VWF: variants seen among roughly 807,000 people sequenced by gnomAD.
VWF encodes von Willebrand factor.
A neutral mutation model predicts 308.6 loss-of-function variants in VWF; 176 were observed. The ratio of observed to expected loss-of-function variants is 0.57; its 90% CI spans 0.50 to 0.65. The LOEUF (loss-of-function observed/expected upper bound fraction) is 0.65. VWF is among the 30% of genes least tolerant of loss of function. VWF has a pLI of 0.00. For synonymous variants in VWF, 1,385 were observed against 1,443.4 expected (o/e 0.96, Z 0.92); for missense variants, 3,146 against 3,648.2 (o/e 0.86, Z 3.55).
chr12:6,012,923 G>C (rs987904829), intron 32 of VWF, among the ~76,000 whole-genome samples: 2 of 151,888 alleles, frequency 1.3e-5, no homozygotes, highest in Non-Finnish European at 2.9e-5. Flanking sequence ...AGATGGTCTC[G>C]ATCTCCTGAC....
At position 6,057,036 on chromosome 12, in the gene VWF, GA is replaced by G; in HGVS notation, c.1765del (p.Ser589ProfsTer62). On this transcript the variant is annotated frameshift_variant, in exon 15 of 52. Coordinates refer to ENST00000261405, the MANE Select transcript of VWF (RefSeq NM_000552.5). LOFTEE classifies it high-confidence loss of function. ...FSEEACAVLT[S>X]PTFEACHRAV... is the part of the protein sequence containing the mutation. ...ACGATGGCAGGCCTCGAATGTGGGG[GA>G]CGTCAGGACCGCGCACGCCTCCTCG... 4 of 1,547,950 alleles carry G rather than the reference GA, an allele frequency of 2.6e-6. No individual in the cohort carries two copies. The highest frequency in any genetic ancestry group is 2.6e-6 in the Non-Finnish European group (3 of 1,152,600).
At chr12:5,992,471 T>A (rs1287875849) in intron 37 of VWF, among the ~76,000 whole-genome samples, 1 of 152,192 alleles carries the variant, frequency 6.6e-6, no homozygotes, top group Non-Finnish European at 1.5e-5. Context: ...AGAATCCAGT[T>A]TGAGGCCCAG....
chr12:5,983,113 A>G (rs1280967256), intron 41 of VWF, 37 bp downstream of exon 41: 2 of 1,595,240 alleles, frequency 1.3e-6, no homozygotes, highest in East Asian at 4.5e-5. Flanking sequence ...CAGCAGAGAG[A>G]GGCCACACCA....
At chr12:5,976,286 A>T (rs944910966) in intron 42 of VWF, 26 bp from the exon 43 acceptor site, 13 of 1,614,018 alleles carry the variant, frequency 8.1e-6, no homozygotes, top group African/African-American at 1.3e-5. Flanking sequence ...TTCGTGAGTG[A>T]ACTCATTTGT....
chr12:6,059,999 T>C (rs1944635390), intron 13 of VWF, among the ~76,000 whole-genome samples: 1 of 151,688 alleles, frequency 6.6e-6, no homozygotes, highest in African/African-American at 2.4e-5. Flanking sequence ...GGCGTTTTCA[T>C]TCACCCCCAC....
At chr12:5,958,118 A>G (rs1943270495) in intron 47 of VWF, among the ~76,000 whole-genome samples, 1 of 152,166 alleles carries the variant, frequency 6.6e-6, no homozygotes, top group South Asian at 2.1e-4. Context: ...AAAAGAAAAA[A>G]AAGAAAAACT....
chr12:6,022,463 TACA>T (rs1440023253), intron 26 of VWF, among the ~76,000 whole-genome samples: 3 of 151,706 alleles, frequency 2.0e-5, no homozygotes, highest in Non-Finnish European at 4.4e-5. Context: ...TTACATTCAA[TACA>T]ACATTCCCCC....
chr12:5,964,246 A>ACATACATG (rs1315704709), intron 47 of VWF, among the ~76,000 whole-genome samples: 4 of 133,244 alleles, frequency 3.0e-5, no homozygotes, highest in African/African-American at 9.9e-5. Flanking sequence ...ATACATACAT[A>ACATACATG]CATGCATACA....
intron 6 of VWF, among the ~76,000 whole-genome samples, chr12:6,080,230 T>C (rs116856265): frequency 0.021 from 3,183 of 152,326 alleles, 71 homozygotes; most frequent in Non-Finnish European, 0.028. Context: ...ACAGGAGCTG[T>C]ATTCCCAGGG....
chr12:6,107,895 T>G (rs577880443), intron 5 of VWF, among the ~76,000 whole-genome samples: 1 of 152,162 alleles, frequency 6.6e-6, no homozygotes, highest in South Asian at 2.1e-4. Context: ...CCTGACCTCA[T>G]GATCCGCCCA....
chr12:6,101,469 A>C (rs1945160498), intron 5 of VWF, among the ~76,000 whole-genome samples: 1 of 152,176 alleles, frequency 6.6e-6, no homozygotes, highest in Admixed American at 6.6e-5. Flanking sequence ...GTAAAGATTA[A>C]AAAAGGGATG....
intron 43 of VWF, among the ~76,000 whole-genome samples, chr12:5,972,522 G>T (rs1943488240): frequency 6.6e-6 from 1 of 152,176 alleles, no homozygotes; most frequent in Non-Finnish European, 1.5e-5. Context: ...GTTCAGGACG[G>T]GTGTGGATGG....
intron 3 of VWF, among the ~76,000 whole-genome samples, chr12:6,119,888 A>G (rs758614029): frequency 2.0e-5 from 3 of 152,140 alleles, no homozygotes; most frequent in Non-Finnish European, 4.4e-5. Flanking sequence ...ACAACAGAGA[A>G]CTCGGTGAGC....
At chr12:6,022,115 A>G in intron 26 of VWF, 80 bp from the exon 27 acceptor site, 2 of 1,601,674 alleles carry the variant, frequency 1.2e-6, no homozygotes, top group Admixed American at 1.7e-5. Flanking sequence ...AAAAGGGAGG[A>G]GCCAACTCCT....
At chr12:6,006,788 A>G (rs1943932753) in intron 34 of VWF, among the ~76,000 whole-genome samples, 1 of 152,196 alleles carries the variant, frequency 6.6e-6, no homozygotes, top group African/African-American at 2.4e-5. Context: ...AAATAAATTA[A>G]GTAAATAAAT....
chr12:6,018,205 G>A (rs1190136177), intron 28 of VWF, among the ~76,000 whole-genome samples, 160 bp downstream of exon 28: 5 of 152,188 alleles, frequency 3.3e-5, no homozygotes, highest in African/African-American at 1.2e-4. Context: ...CCAGGGAGGT[G>A]AGGAAACACA....
intron 34 of VWF, among the ~76,000 whole-genome samples, chr12:5,997,320 C>T (rs532996809): frequency 1.3e-5 from 2 of 152,324 alleles, no homozygotes; most frequent in East Asian, 1.9e-4. Flanking sequence ...GATATTGTCA[C>T]GTCAAGGAGT....
intron 38 of VWF, among the ~76,000 whole-genome samples, chr12:5,989,933 T>C (rs1943719432): frequency 6.6e-6 from 1 of 152,184 alleles, no homozygotes; most frequent in Admixed American, 6.5e-5. Flanking sequence ...TGTAAATTGG[T>C]CCACATCATT....
Position 6,016,979 on chromosome 12 carries a change from C to T in VWF, c.5054-109G>A. 6.6e-6 allele frequency: 8 copies of T among 1,217,430 alleles called. No individual in the cohort carries two copies. In the Admixed American group the frequency reaches 8.4e-5, roughly 13 times the overall value. 75.4% of individuals were successfully genotyped at this position (1,217,430 alleles called of 1,614,324 possible). The stretch of plus-strand genomic sequence containing the variant: ...TCTGCAGGGCGTGCTGACCACGTGG[C>T]ACCACCAAGGGGGGCGGGGGGTGCC... On this transcript the variant is annotated intron_variant, in intron 28 of 51. Coordinates refer to ENST00000261405, the MANE Select transcript of VWF (RefSeq NM_000552.5).
Sources: allele counts gnomAD v4.1 joint callset (sites outside exome capture counted in the v4.1 genomes callset), GRCh38; gene constraint gnomAD v4.1.1; transcripts MANE v1.5; gene names NCBI Gene and HGNC (gene_info 2026-07-23, HGNC 2026-07-21).